AGBL1: variants seen among roughly 807,000 people sequenced by gnomAD.
The protein encoded by AGBL1 is cytosolic carboxypeptidase 4.
Under a neutral mutation model 118.9 loss-of-function variants are expected in AGBL1, and 130 were observed. The ratio of observed to expected loss-of-function variants is 1.09; its 90% CI spans 0.95 to 1.26. The LOEUF (loss-of-function observed/expected upper bound fraction) is 1.26. AGBL1 is among the 50% of genes most tolerant of loss of function. The pLI is 0.00. For synonymous variants in AGBL1, 555 were observed against 478.9 expected, an observed-to-expected ratio of 1.16 and a Z score of -2.08; for missense variants, 1,584 against 1,298.1, an observed-to-expected ratio of 1.22 and a Z score of -3.38.
chr15:86,646,813 T>G (rs2085286675), intron 21 of AGBL1, among the ~76,000 whole-genome samples: 1 of 152,188 alleles, frequency 6.6e-6, no homozygotes, highest in Non-Finnish European at 1.5e-5. Flanking sequence ...CACATGTGTT[T>G]GATAGGTGGT....
At chr15:86,729,166 A>C (rs907863492) in intron 22 of AGBL1, among the ~76,000 whole-genome samples, 1 of 152,226 alleles carries the variant, frequency 6.6e-6, no homozygotes, top group African/African-American at 2.4e-5. Context: ...AGAGTATTCT[A>C]AATAGATAAA....
rs1895156747 is a variant in AGBL1, at chr15:86,079,978, C to T, written c.6C>T (p.Ala2=). The change falls in exon 1 of 23, where the codon GCC becomes GCT. Residue 2 remains alanine, a synonymous_variant. Coordinates refer to ENST00000614907, the MANE Select transcript of AGBL1 (RefSeq NM_001386094.1). The part of the protein sequence containing the change: M[A]EQEASGLQVL... ...CCCTAGGACCCGAGAAAAGGATGGC[C>T]GAACAAGAAGCTAGTGGGCTACAGG... 6.5e-6 allele frequency: 8 copies of T among 1,232,006 alleles called. No individual in the cohort carries two copies. The highest frequency in any genetic ancestry group is 3.1e-5 in the African/African-American group (2 of 64,396). 76.3% of individuals were successfully genotyped at this position (1,232,006 alleles called of 1,614,324 possible). A position where few individuals can be genotyped will look rare whatever the true frequency, so the allele number is the denominator to read the frequency against.
rs140634963 is a variant in AGBL1 at position 86,090,223 on chromosome 15, A to G, written c.51+10200A>G. Among the ~76,000 whole-genome samples, 82 of 152,218 alleles carry G rather than the reference A, an allele frequency of 5.4e-4. 1 individual carries two copies. Among genetic ancestry groups the G allele is most frequent in the South Asian group, 1.9e-3 (9 of 4,812 alleles). On this transcript the variant is annotated intron_variant, in intron 1 of 22. Transcript: ENST00000614907. Reference sequence around the variant, plus strand: ...CTGACTCCAGATTCCATTCCATTCCATTCACCAGTCTACAGCATCCCTTTT... The same window carrying G: ...CTGACTCCAGATTCCATTCCATTCCGTTCACCAGTCTACAGCATCCCTTTT...
chr15:86,755,454 G>C (rs946119389), intron 22 of AGBL1, among the ~76,000 whole-genome samples: 20 of 152,068 alleles, frequency 1.3e-4, no homozygotes, highest in Admixed American at 1.0e-3. Context: ...TAAAATGCCA[G>C]GAACAAGAAG....
chr15:86,476,191 G>C (rs2082556451), intron 18 of AGBL1, among the ~76,000 whole-genome samples: 1 of 152,134 alleles, frequency 6.6e-6, no homozygotes, highest in Non-Finnish European at 1.5e-5. Context: ...AAAATAACCA[G>C]CTAACATCAT....
chr15:86,697,023 C>G (rs2086274899), intron 22 of AGBL1, among the ~76,000 whole-genome samples: 4 of 151,778 alleles, frequency 2.6e-5, no homozygotes, highest in Admixed American at 6.6e-5. Context: ...CCTCACAGCC[C>G]TTAAGATTCT....
At chr15:86,936,576 TGCTTGGATAACTGGCTA>T (rs767725598) in intron 23 of AGBL1, among the ~76,000 whole-genome samples, 2 of 152,152 alleles carry the variant, frequency 1.3e-5, no homozygotes, top group Non-Finnish European at 2.9e-5. Context: ...CAATAAATGG[TGCTTGGATAACTGGCTA>T]GCCATATGTA....
intron 17 of AGBL1, among the ~76,000 whole-genome samples, chr15:86,378,644 T>C (rs1258489311): frequency 6.6e-6 from 1 of 151,998 alleles, no homozygotes. Flanking sequence ...AAGCTCTTTA[T>C]TCTGTCTCCT....
At chr15:86,227,395 A>C (rs181107738) in intron 6 of AGBL1, among the ~76,000 whole-genome samples, 187 of 152,360 alleles carry the variant, frequency 1.2e-3, no homozygotes, top group African/African-American at 4.4e-3. Flanking sequence ...CTCAGCCTTA[A>C]TGTGTATCAG....
At chr15:86,645,832 A>G (rs1316154832) in intron 21 of AGBL1, among the ~76,000 whole-genome samples, 2 of 152,174 alleles carry the variant, frequency 1.3e-5, no homozygotes, top group Admixed American at 6.5e-5. Context: ...TGCACCACCA[A>G]TGAGCTGAAC....
chr15:86,576,768 T>C (rs886301413), intron 21 of AGBL1, among the ~76,000 whole-genome samples: 6 of 152,274 alleles, frequency 3.9e-5, no homozygotes, highest in Admixed American at 3.3e-4. Flanking sequence ...GTAAGTCTTA[T>C]GAGATCTGAT....
At chr15:87,004,484 T>A (rs1175766883) in intron 24 of AGBL1, among the ~76,000 whole-genome samples, 1 of 152,234 alleles carries the variant, frequency 6.6e-6, no homozygotes, top group Non-Finnish European at 1.5e-5. Context: ...GTTTAAAGTC[T>A]GTTTTATCAG....
Position 86,882,970 on chromosome 15 carries a change from C to T in AGBL1, c.3159-24117C>T, listed in dbSNP as rs144197747. Among the ~76,000 whole-genome samples, 1,076 of 152,192 alleles carry T rather than the reference C, an allele frequency of 7.1e-3. 14 individuals carry two copies. The highest frequency in any genetic ancestry group is 0.025 in the African/African-American group (1,037 of 41,514). ...ATTTTTAAAATATGAGTGATTCTTG[C>T]CAGAGATGTGAATTGTGAAATGAAT... On this transcript the variant is annotated intron_variant, in intron 22 of 22. Coordinates refer to ENST00000614907, the MANE Select transcript of AGBL1 (RefSeq NM_001386094.1).
intron 5 of AGBL1, among the ~76,000 whole-genome samples, chr15:86,161,498 C>T (rs1474801918): frequency 1.3e-5 from 2 of 152,216 alleles, no homozygotes; most frequent in Admixed American, 6.5e-5. Flanking sequence ...ACATGAGCCT[C>T]AGCTCTTAAG....
At chr15:86,152,923 C>T (rs1200900054) in intron 3 of AGBL1, among the ~76,000 whole-genome samples, 1 of 152,204 alleles carries the variant, frequency 6.6e-6, no homozygotes, top group African/African-American at 2.4e-5. Context: ...CTCATCATCA[C>T]TGGTCATCAG....
rs191127823 is a variant in AGBL1 at position 87,015,400 on chromosome 15, C to G, written c.3324-13425C>G. On this transcript the variant is annotated intron_variant, in intron 24 of 24. Coordinates refer to the AGBL1 transcript ENST00000441037. ...TCTATCTAGTCTGTCTATCTATCTA[C>G]CTATTTTTCTATCTGTCCTATTGGC... Among the ~76,000 whole-genome samples the G allele has an allele frequency of 2.6e-5, 4 of 152,160 alleles. No individual in the cohort carries two copies. In the East Asian group the frequency reaches 7.7e-4, roughly 29 times the overall value.
chr15:86,678,325 G>T (rs1168133540), intron 22 of AGBL1, among the ~76,000 whole-genome samples: 1 of 152,046 alleles, frequency 6.6e-6, no homozygotes, highest in Non-Finnish European at 1.5e-5. Context: ...ATAAACACTT[G>T]TTCCTATTTT....
At chr15:86,844,932 C>T (rs77284671) in intron 22 of AGBL1, among the ~76,000 whole-genome samples, 1 of 151,970 alleles carries the variant, frequency 6.6e-6, no homozygotes, top group Non-Finnish European at 1.5e-5. Context: ...TATCTAATGG[C>T]TTTAGTATCA....
rs549103420 is a variant in AGBL1, at chr15:86,177,895, A to T, written c.488+18869A>T. 2.6e-5 allele frequency among the ~76,000 whole-genome samples: 4 copies of T among 152,330 alleles called. No homozygotes were observed. The East Asian group carries it at 5.8e-4, about 22-fold the overall frequency. ...ATAAGAAAGGATAAAAAGAAGACTG[A>T]AATATAAAGTAAGTAAAATGAAGGA... On this transcript the variant is annotated intron_variant, in intron 5 of 22. Coordinates refer to ENST00000614907, the MANE Select transcript of AGBL1 (RefSeq NM_001386094.1).
Sources: gnomAD v4.1 joint callset for allele counts (sites outside exome capture counted in the v4.1 genomes callset) on GRCh38, gnomAD v4.1.1 for gene constraint, MANE v1.5 for transcripts, NCBI Gene and HGNC (gene_info 2026-07-23, HGNC 2026-07-21) for gene names.